The following SEL1L variants were observed in gnomAD, a reference collection of about 807,000 sequenced individuals.
SEL1L encodes the protein protein sel-1 homolog 1.
In SEL1L, 52 loss-of-function variants were observed where a neutral mutation model predicts 109.8. The ratio of observed to expected loss-of-function variants is 0.47; its 90% CI spans 0.38 to 0.60. The LOEUF is 0.60. Among genes scored for constraint, SEL1L ranks in the 20% least tolerant of loss-of-function variants. The probability of loss-of-function intolerance (pLI) is 0.00; values close to 1 mark genes in which losing one functional copy is unlikely to be tolerated. For missense variants in SEL1L, 749 were observed against 962.2 expected (o/e 0.78, Z 2.93); for synonymous variants, 373 against 339.6 (o/e 1.10, Z -1.08).
At chr14:81,520,153 C>A (rs1328930547) in intron 3 of SEL1L, among the ~76,000 whole-genome samples, 3 of 151,882 alleles carry the variant, frequency 2.0e-5, no homozygotes, top group East Asian at 3.9e-4. Flanking sequence ...GTACACAGAG[C>A]CATATATATG....
rs1400446944 is a variant in SEL1L at position 81,499,238 on chromosome 14, A to G, written c.891+221T>C. 7 of 1,228,134 alleles carry G rather than the reference A, an allele frequency of 5.7e-6. No homozygotes were observed. In the East Asian group the frequency reaches 2.0e-4, roughly 34 times the overall value. 76.1% of individuals were successfully genotyped at this position (1,228,134 alleles called of 1,614,324 possible). On this transcript the variant is annotated intron_variant, in intron 8 of 20. Coordinates refer to ENST00000336735, the MANE Select transcript of SEL1L (RefSeq NM_005065.6). ...CTCTCTTTTTAGGGGCAATCAGCCA[A>G]ACTAATCATTTTAAAGAAAAATTGT...
chr14:81,516,163 C>T (rs538162878), intron 3 of SEL1L, among the ~76,000 whole-genome samples: 1 of 152,216 alleles, frequency 6.6e-6, no homozygotes, highest in African/African-American at 2.4e-5. Flanking sequence ...GATCCAACAA[C>T]AGGACTGAGG....
At chr14:81,499,928 C>G (rs1162067867) in intron 6 of SEL1L, among the ~76,000 whole-genome samples, 1 of 112,182 alleles carries the variant, frequency 8.9e-6, no homozygotes, top group Non-Finnish European at 1.7e-5. Flanking sequence ...TTTTTTGAGA[C>G]AGGGTATCAC....
chr14:81,507,812 C>T (rs908727665), intron 3 of SEL1L, among the ~76,000 whole-genome samples: 3 of 152,152 alleles, frequency 2.0e-5, no homozygotes, highest in African/African-American at 4.8e-5. Context: ...TGTCAACTTC[C>T]ACTGGTTGCT....
chr14:81,516,083 G>A (rs949510295), intron 3 of SEL1L, among the ~76,000 whole-genome samples: 5 of 152,162 alleles, frequency 3.3e-5, no homozygotes, highest in Non-Finnish European at 7.3e-5. Context: ...CCACTATGCC[G>A]AGGCAATCAC....
intron 8 of SEL1L, chr14:81,499,165 C>T (rs1883899844): frequency 1.8e-6 from 2 of 1,123,424 alleles, no homozygotes; most frequent in Non-Finnish European, 2.2e-6. Flanking sequence ...AAAAATGATT[C>T]TGACAATTCC....
intron 17 of SEL1L, 93 bp from the exon 18 acceptor site, chr14:81,485,839 T>A: frequency 1.0e-6 from 1 of 972,748 alleles, no homozygotes; most frequent in East Asian, 2.4e-5. Flanking sequence ...AGGTGAAGCA[T>A]AAGTTAAACA....
rs533262916 is a variant in SEL1L, at chr14:81,527,661, C to A, written c.108+40G>T. 19 of 1,451,500 alleles carry A rather than the reference C, an allele frequency of 1.3e-5. No homozygotes were observed. The African/African-American group carries it at 2.5e-4, about 19-fold the overall frequency. 89.9% of individuals were successfully genotyped at this position (1,451,500 alleles called of 1,614,324 possible). ...AGATACATAATTCATCCTTTTAAAT[C>A]AGGCAGCAAATACTGGCCAATACAC... On this transcript the variant is annotated intron_variant, in intron 2 of 20. Transcript: ENST00000336735.
intron 3 of SEL1L, among the ~76,000 whole-genome samples, chr14:81,514,640 C>G (rs1884625464): frequency 6.6e-6 from 1 of 152,140 alleles, no homozygotes; most frequent in Non-Finnish European, 1.5e-5. Context: ...GTGAGCGCAA[C>G]TATTCTGATC....
rs200372552 is a variant in SEL1L, at chr14:81,497,851, C to T, written c.1128+41G>A. The T allele has an allele frequency of 5.0e-5, 79 of 1,577,362 alleles. No homozygotes were observed. The East Asian group carries it at 1.6e-3, about 32-fold the overall frequency. On this transcript the variant is annotated intron_variant, in intron 10 of 20. Transcript: ENST00000336735. Reference sequence around the variant, plus strand: ...CCCGTCCCCCACAGATTAAAATATACAATGCAGTAAAGATATTTGGTGAGA... The same window carrying T: ...CCCGTCCCCCACAGATTAAAATATATAATGCAGTAAAGATATTTGGTGAGA...
rs760917401 is a variant in SEL1L, at chr14:81,526,809, T to C, written c.264A>G (p.Thr88=). The C allele has an allele frequency of 7.5e-6, 12 of 1,607,662 alleles. No homozygotes were observed. In the Admixed American group the frequency reaches 1.9e-4, roughly 25 times the overall value. The part of the protein sequence containing the change: ...SLKSQEGESV[T]EDISFLESPN... ...GAGACTCTAGAAAGCTGATATCTTC[T>C]GTGACACTTTCCCCCTCTTGGCTCT... Residue 88 remains threonine, a synonymous_variant, in exon 3 of 21, where the codon ACA becomes ACG. Coordinates refer to ENST00000336735, the MANE Select transcript of SEL1L (RefSeq NM_005065.6).
intron 3 of SEL1L, among the ~76,000 whole-genome samples, chr14:81,525,914 C>T (rs2140059792): frequency 6.6e-6 from 1 of 152,212 alleles, no homozygotes; most frequent in East Asian, 1.9e-4. Flanking sequence ...AGAATATTCT[C>T]CATGATGTGA....
At chr14:81,524,405 G>A (rs925823619) in intron 3 of SEL1L, among the ~76,000 whole-genome samples, 1 of 152,074 alleles carries the variant, frequency 6.6e-6, no homozygotes, top group Non-Finnish European at 1.5e-5. Flanking sequence ...TAAAAAGACA[G>A]AACCAAATCT....
At chr14:81,492,736 T>G (rs1342108877) in intron 11 of SEL1L, among the ~76,000 whole-genome samples, 188 bp from the exon 12 acceptor site, 1 of 152,210 alleles carries the variant, frequency 6.6e-6, no homozygotes, top group Admixed American at 6.5e-5. Context: ...TTTTACCAAA[T>G]AACAGTACCA....
chr14:81,477,708 G>C (rs946668725), intron 20 of SEL1L, among the ~76,000 whole-genome samples: 1 of 152,166 alleles, frequency 6.6e-6, no homozygotes, highest in Non-Finnish European at 1.5e-5. Flanking sequence ...AGCTATTCTG[G>C]AGGCTGAGGC....
chr14:81,487,542 T>TA lies in SEL1L; in HGVS notation c.1484-5dup, dbSNP rs1367515660. The TA allele has an allele frequency of 1.3e-6, 2 of 1,588,072 alleles. No homozygotes were observed. Among genetic ancestry groups the TA allele is most frequent in the Non-Finnish European group, 1.7e-6 (2 of 1,174,146 alleles). On this transcript the variant is annotated splice_region_variant and splice_polypyrimidine_tract_variant and intron_variant, in intron 15 of 20. Transcript: ENST00000336735. Reference sequence around the variant, plus strand: ...TCTCTCTTGACTCCAATGCCATCTGTAAGAAAAAAAAAAATCACACGAGAT... The same window carrying TA: ...TCTCTCTTGACTCCAATGCCATCTGTAAAGAAAAAAAAAAATCACACGAGAT...
At chr14:81,520,704 T>C (rs58599013) in intron 3 of SEL1L, among the ~76,000 whole-genome samples, 8 of 152,300 alleles carry the variant, frequency 5.3e-5, no homozygotes, top group African/African-American at 1.9e-4. Context: ...ACTGAAGGTA[T>C]TTACTATTGG....
At chr14:81,484,160 A>G (rs927624217) in intron 19 of SEL1L, 65 bp downstream of exon 19, 8 of 1,498,412 alleles carry the variant, frequency 5.3e-6, no homozygotes, top group Non-Finnish European at 6.4e-6. Context: ...TATTTTCTAT[A>G]CAAATGCAAG....
rs756319106 is a variant in SEL1L at position 81,487,413 on chromosome 14, G to A, written c.1609C>T (p.Arg537Ter). The A allele has an allele frequency of 1.3e-6, 2 of 1,591,036 alleles. No homozygotes were observed. Among genetic ancestry groups the A allele is most frequent in the South Asian group, 1.2e-5 (1 of 86,308 alleles). Residue 537 changes from arginine to a stop codon, truncating the protein, a stop_gained, in exon 16 of 21, where the codon CGA becomes TGA. Transcript: ENST00000336735. LOFTEE classifies it high-confidence loss of function. ...ACCTCCACTGCAGTGTGACATGATCGCATCACGCCGGTGCCACTGGCATGC... is the reference window on the plus strand; with the variant it reads ...ACCTCCACTGCAGTGTGACATGATCACATCACGCCGGTGCCACTGGCATGC... ...QMHASGTGVMRSCHTAVELFK... is the reference protein window; with the variant it reads ...QMHASGTGVM
Sources: gnomAD v4.1 joint callset for allele counts (sites outside exome capture counted in the v4.1 genomes callset) on GRCh38, gnomAD v4.1.1 for gene constraint, MANE v1.5 for transcripts, NCBI Gene and HGNC (gene_info 2026-07-23, HGNC 2026-07-21) for gene names.